The following CAPS2 variants were observed in gnomAD, a reference collection of about 807,000 sequenced individuals.
CAPS2 encodes the protein calcyphosin-2.
Under a neutral mutation model 86.5 loss-of-function variants are expected in CAPS2, and 98 were observed. The ratio of observed to expected loss-of-function variants is 1.13; its 90% CI spans 0.96 to 1.34. CAPS2 has a LOEUF of 1.34. CAPS2 is among the 40% of genes most tolerant of loss of function. CAPS2 has a pLI of 0.00. For synonymous variants in CAPS2, 210 were observed against 225.1 expected, an observed-to-expected ratio of 0.93 and a Z score of 0.60; for missense variants, 729 against 686.8, an observed-to-expected ratio of 1.06 and a Z score of -0.69.
intron 16 of CAPS2, 68 bp from the exon 17 acceptor site, chr12:75,279,133 G>A (rs2033425897): frequency 7.0e-6 from 9 of 1,294,922 alleles, no homozygotes; most frequent in South Asian, 6.5e-5. Flanking sequence ...TGATGATAAA[G>A]GAATACTTAA....
intron 7 of CAPS2, among the ~76,000 whole-genome samples, chr12:75,309,511 T>C (rs2138750942): frequency 6.6e-6 from 1 of 152,326 alleles, no homozygotes; most frequent in Middle Eastern, 3.4e-3. Flanking sequence ...CCTACTTGCC[T>C]GACAATACCC....
intron 1 of CAPS2, chr12:75,363,091 CTT>C: frequency 2.0e-6 from 3 of 1,483,920 alleles, no homozygotes; most frequent in Non-Finnish European, 2.7e-6. Context: ...CAATGTTTCT[CTT>C]TTTTACAGAG....
At chr12:75,319,149 A>G (rs774906596) in intron 5 of CAPS2, among the ~76,000 whole-genome samples, 4 of 152,176 alleles carry the variant, frequency 2.6e-5, no homozygotes, top group Non-Finnish European at 5.9e-5. Context: ...TCTGACAACA[A>G]GAGATTTATC....
At chr12:75,358,401 G>T (rs944556479) in intron 1 of CAPS2, among the ~76,000 whole-genome samples, 3 of 151,622 alleles carry the variant, frequency 2.0e-5, no homozygotes, top group African/African-American at 7.3e-5. Flanking sequence ...TATATTCCAG[G>T]AATGCAGGTC....
At chr12:75,367,979 T>G (rs2044099548) in intron 1 of CAPS2, among the ~76,000 whole-genome samples, 1 of 152,154 alleles carries the variant, frequency 6.6e-6, no homozygotes, top group Non-Finnish European at 1.5e-5. Context: ...TTCCTTATTT[T>G]GCTGAGTTTT....
intron 7 of CAPS2, among the ~76,000 whole-genome samples, chr12:75,311,002 T>C (rs2039099544): frequency 6.6e-6 from 1 of 152,326 alleles, no homozygotes; most frequent in South Asian, 2.1e-4. Flanking sequence ...CCTTGATAGC[T>C]AACCTAAAGA....
At chr12:75,282,550 C>T (rs1351360733) in intron 15 of CAPS2, among the ~76,000 whole-genome samples, 1 of 152,116 alleles carries the variant, frequency 6.6e-6, no homozygotes, top group African/African-American at 2.4e-5. Context: ...CCACACCTAG[C>T]TATTTTTTGT....
At chr12:75,298,369 C>A (rs948422483) in intron 11 of CAPS2, 1 of 276,528 alleles carries the variant, frequency 3.6e-6, no homozygotes, top group African/African-American at 2.1e-5. Context: ...TTGAGATAGC[C>A]ACTCACCCAA....
At chr12:75,331,993 A>G (rs1365434938), upstream of CAPS2, among the ~76,000 whole-genome samples, 2 of 152,218 alleles carry the variant, frequency 1.3e-5, no homozygotes, top group African/African-American at 4.8e-5. Flanking sequence ...TGGCAATTAG[A>G]CTTTTTACAC....
intron 7 of CAPS2, chr12:75,305,921 C>T: frequency 1.0e-6 from 1 of 962,442 alleles, no homozygotes; most frequent in South Asian, 1.3e-5. Context: ...ACCATGAAGT[C>T]TGCGCTGGTG....
chr12:75,386,870 A>G (rs1014309477), intron 1 of CAPS2, among the ~76,000 whole-genome samples: 6 of 152,034 alleles, frequency 3.9e-5, no homozygotes, highest in African/African-American at 1.4e-4. Context: ...AGAAAAAAAA[A>G]CCAGTCTAAG....
intron 1 of CAPS2, among the ~76,000 whole-genome samples, chr12:75,371,738 T>C (rs938727548): frequency 2.0e-5 from 3 of 151,998 alleles, no homozygotes; most frequent in African/African-American, 7.3e-5. Context: ...AAAGGAAAAA[T>C]AGAGGGAATA....
chr12:75,347,696 A>G (rs565901346), intron 1 of CAPS2: 2 of 1,604,872 alleles, frequency 1.2e-6, no homozygotes, highest in South Asian at 1.1e-5. Context: ...CTTCAACTGC[A>G]ATATTTGTAT....
intron 16 of CAPS2, among the ~76,000 whole-genome samples, chr12:75,279,385 C>G (rs1167850057): frequency 2.0e-5 from 3 of 151,822 alleles, no homozygotes; most frequent in Non-Finnish European, 4.4e-5. Flanking sequence ...GGTCAGATAA[C>G]ACTGAAAAGA....
intron 7 of CAPS2, among the ~76,000 whole-genome samples, chr12:75,311,405 G>C (rs548855410): frequency 2.6e-5 from 4 of 152,236 alleles, no homozygotes; most frequent in African/African-American, 9.6e-5. Flanking sequence ...ATGAAGAATT[G>C]AGTTACTATG....
At chr12:75,292,861 A>C (rs558587362) in intron 12 of CAPS2, among the ~76,000 whole-genome samples, 8 of 151,108 alleles carry the variant, frequency 5.3e-5, no homozygotes, top group African/African-American at 1.7e-4. Context: ...AGCATATGGG[A>C]CCCTCAGACT....
upstream of CAPS2, among the ~76,000 whole-genome samples, chr12:75,328,751 T>C (rs1253216376): frequency 6.6e-6 from 1 of 152,212 alleles, no homozygotes; most frequent in Non-Finnish European, 1.5e-5. Flanking sequence ...ACTGTAAGCC[T>C]CATATTTGCT....
intron 1 of CAPS2, among the ~76,000 whole-genome samples, chr12:75,355,190 G>T (rs763342813): frequency 6.6e-6 from 1 of 152,106 alleles, no homozygotes; most frequent in Non-Finnish European, 1.5e-5. Flanking sequence ...GAGTAAACAA[G>T]CAACCTACAG....
chr12:75,324,686 T>C (rs955049884), intron 2 of CAPS2, among the ~76,000 whole-genome samples: 4 of 152,132 alleles, frequency 2.6e-5, no homozygotes, highest in African/African-American at 7.2e-5. Context: ...ATTACTAAGT[T>C]TTTAATTTCT....
Sources: allele counts gnomAD v4.1 joint callset (sites outside exome capture counted in the v4.1 genomes callset), GRCh38; gene constraint gnomAD v4.1.1; transcripts MANE v1.5; gene names NCBI Gene and HGNC (gene_info 2026-07-23, HGNC 2026-07-21).